The following GLIS3 variants were observed in gnomAD, a reference collection of about 807,000 sequenced individuals.
GLIS3 encodes the protein zinc finger protein GLIS3.
A neutral mutation model predicts 78.6 loss-of-function variants in GLIS3; 53 were observed. That is an observed-to-expected ratio of 0.67 (90% CI 0.54 to 0.85). GLIS3 has a LOEUF of 0.85. GLIS3 is among the 40% of genes least tolerant of loss of function. The pLI is 0.00. For missense variants in GLIS3, 1,703 were observed against 1,231.1 expected (o/e 1.38, Z -5.74); for synonymous variants, 684 against 509.9 (o/e 1.34, Z -4.60).
At chr9:4,464,037 G>A in the GLIS3 span, among the ~76,000 whole-genome samples, 1 of 152,182 alleles carries the variant, frequency 6.6e-6, no homozygotes, top group African/African-American at 2.4e-5. Context: ...GTCCTAAAGT[G>A]TAGAACATGA....
At chr9:3,835,756 C>G (rs1818312394) in intron 9 of GLIS3, among the ~76,000 whole-genome samples, 1 of 152,200 alleles carries the variant, frequency 6.6e-6, no homozygotes, top group South Asian at 2.1e-4. Context: ...ATAACTGTTA[C>G]TTTTACTTTT....
intron 2 of GLIS3, among the ~76,000 whole-genome samples, chr9:4,244,463 G>A (rs1278095218): frequency 6.6e-6 from 1 of 152,116 alleles, no homozygotes; most frequent in Non-Finnish European, 1.5e-5. Context: ...AAAGAAAGCA[G>A]GTTGTTTATT....
chr9:4,229,381 T>G (rs1344409484), intron 2 of GLIS3, among the ~76,000 whole-genome samples: 1 of 152,238 alleles, frequency 6.6e-6, no homozygotes, highest in Non-Finnish European at 1.5e-5. Flanking sequence ...AAAGAAAGAA[T>G]TGCAAGTTGT....
chr9:4,422,759 G>C, the GLIS3 span, among the ~76,000 whole-genome samples: 94 of 152,334 alleles, frequency 6.2e-4, no homozygotes, highest in African/African-American at 2.2e-3. Context: ...AAGTCAGGGA[G>C]TGCTGGGGGC....
the GLIS3 span, among the ~76,000 whole-genome samples, chr9:4,384,302 T>C: frequency 0.022 from 3,289 of 152,116 alleles, 109 homozygotes; most frequent in African/African-American, 0.076. Flanking sequence ...AACTACTTTT[T>C]AGATAATACT....
At chr9:4,042,122 G>A (rs528061027) in intron 4 of GLIS3, among the ~76,000 whole-genome samples, 1 of 152,206 alleles carries the variant, frequency 6.6e-6, no homozygotes, top group African/African-American at 2.4e-5. Flanking sequence ...CAAAAGCTTG[G>A]GTTTTTGTTT....
chr9:4,331,560 C>T (rs1399090697), intron 2 of GLIS3, among the ~76,000 whole-genome samples: 1 of 152,156 alleles, frequency 6.6e-6, no homozygotes, highest in African/African-American at 2.4e-5. Context: ...CAGTTCTTGA[C>T]AACCAGATAA....
chr9:4,080,215 T>C (rs1828438018), intron 4 of GLIS3, among the ~76,000 whole-genome samples: 2 of 152,216 alleles, frequency 1.3e-5, no homozygotes, highest in African/African-American at 4.8e-5. Flanking sequence ...CCCATTTATT[T>C]TTCCAGCATT....
chr9:4,384,779 C>A, the GLIS3 span, among the ~76,000 whole-genome samples: 1 of 152,142 alleles, frequency 6.6e-6, no homozygotes, highest in Non-Finnish European at 1.5e-5. Context: ...CCTCTTCCTA[C>A]GCTCCCATGT....
chr9:4,446,002 T>A, the GLIS3 span, among the ~76,000 whole-genome samples: 1 of 152,252 alleles, frequency 6.6e-6, no homozygotes, highest in African/African-American at 2.4e-5. Context: ...TTTTAGATTT[T>A]TTTAATATAT....
At chr9:4,252,991 T>C (rs924827726) in intron 2 of GLIS3, among the ~76,000 whole-genome samples, 1 of 152,190 alleles carries the variant, frequency 6.6e-6, no homozygotes, top group African/African-American at 2.4e-5. Flanking sequence ...GGAAGCTTCA[T>C]TCCAGGGGGG....
intron 2 of GLIS3, among the ~76,000 whole-genome samples, chr9:4,269,560 C>T (rs1406620083): frequency 6.6e-6 from 1 of 152,152 alleles, no homozygotes; most frequent in African/African-American, 2.4e-5. Context: ...AGAATTTTAC[C>T]TGATTTCATA....
the GLIS3 span, among the ~76,000 whole-genome samples, chr9:4,475,641 C>A: frequency 3.3e-5 from 5 of 151,974 alleles, no homozygotes; most frequent in Non-Finnish European, 7.4e-5. Context: ...AGGAAGATTT[C>A]AGTATTATGA....
chr9:4,365,852 T>C, the GLIS3 span, among the ~76,000 whole-genome samples: 1 of 152,238 alleles, frequency 6.6e-6, no homozygotes, highest in Admixed American at 6.5e-5. Flanking sequence ...ATATCTTCTT[T>C]TAAAACACAA....
the GLIS3 span, among the ~76,000 whole-genome samples, chr9:4,374,592 C>A: frequency 0.02 from 3,112 of 152,292 alleles, 131 homozygotes; most frequent in African/African-American, 0.072. Flanking sequence ...GGGAACTATT[C>A]CCCCTTCCTC....
At chr9:4,073,535 G>T in intron 4 of GLIS3, among the ~76,000 whole-genome samples, 1 of 152,138 alleles carries the variant, frequency 6.6e-6, no homozygotes. Flanking sequence ...GGGACAGGTA[G>T]GCAAAGCTAG....
intron 2 of GLIS3, among the ~76,000 whole-genome samples, chr9:4,175,411 C>T (rs1489946630): frequency 6.6e-6 from 1 of 152,212 alleles, no homozygotes; most frequent in African/African-American, 2.4e-5. Flanking sequence ...AGTTCTGGAA[C>T]TTATCCCATG....
rs1297955405 is a variant in GLIS3, at chr9:4,147,847, G to T, written c.389-21906C>A. Among the ~76,000 whole-genome samples, 3 of 151,932 alleles carry T rather than the reference G, an allele frequency of 2.0e-5. No homozygotes were observed. In the East Asian group the frequency reaches 5.8e-4, roughly 29 times the overall value. On this transcript the variant is annotated intron_variant, in intron 2 of 10. Coordinates refer to ENST00000381971, the MANE Select transcript of GLIS3 (RefSeq NM_001042413.2). ...AAAAAAAAAATTATAACATTCTAATGGCTAAACTAGGGATGTGTCTGAAAA... is the reference window on the plus strand; with the variant it reads ...AAAAAAAAAATTATAACATTCTAATTGCTAAACTAGGGATGTGTCTGAAAA...
At chr9:4,179,899 G>C (rs1817149937) in intron 2 of GLIS3, among the ~76,000 whole-genome samples, 1 of 131,968 alleles carries the variant, frequency 7.6e-6, no homozygotes, top group Non-Finnish European at 1.6e-5. Context: ...GAGAGAGCGA[G>C]ACTCTGTCTC....
Sources: gnomAD v4.1 joint callset for allele counts (sites outside exome capture counted in the v4.1 genomes callset) on GRCh38, gnomAD v4.1.1 for gene constraint, MANE v1.5 for transcripts, NCBI Gene and HGNC (gene_info 2026-07-23, HGNC 2026-07-21) for gene names.